CNTRL: variants seen among roughly 807,000 people sequenced by gnomAD.
CNTRL encodes 110 kDa centrosomal protein.
A neutral mutation model predicts 303.7 loss-of-function variants in CNTRL; 233 were observed. That is an observed-to-expected ratio of 0.77 (90% CI 0.69 to 0.86). The LOEUF (loss-of-function observed/expected upper bound fraction) is 0.86. Among genes scored for constraint, CNTRL ranks in the 40% least tolerant of loss-of-function variants. The pLI is 0.00. For missense variants in CNTRL, 2,524 were observed against 2,650.6 expected (o/e 0.95, Z 1.05); for synonymous variants, 900 against 922.2 (o/e 0.98, Z 0.44).
rs772362903 is a variant in CNTRL at position 121,167,518 on chromosome 9, T to C, written c.5685T>C (p.Asp1895=). The C allele has an allele frequency of 4.3e-6, 7 of 1,613,934 alleles. No homozygotes were observed. The highest frequency in any genetic ancestry group is 5.9e-6 in the Non-Finnish European group (7 of 1,179,934). Residue 1895 remains aspartate (D), a synonymous_variant, in exon 37 of 44, where the codon GAT becomes GAC. Coordinates refer to ENST00000373855, the MANE Select transcript of CNTRL (RefSeq NM_007018.6). ...QDLLHTTKHQ[D]VLLSEQTRLQ... ...TGCTTCACACCACCAAGCATCAGGATGTGTTGCTCAGTGAGCAGACCCGAC... is the reference window on the plus strand; with the variant it reads ...TGCTTCACACCACCAAGCATCAGGACGTGTTGCTCAGTGAGCAGACCCGAC...
intron 14 of CNTRL, among the ~76,000 whole-genome samples, chr9:121,135,387 A>C (rs1000426287): frequency 6.6e-6 from 1 of 152,244 alleles, no homozygotes. Flanking sequence ...ACAATTCCTC[A>C]TCTGTAAAAC....
At chr9:121,171,570 C>T (rs772230485) in intron 40 of CNTRL, 22 bp downstream of exon 40, 11 of 1,609,024 alleles carry the variant, frequency 6.8e-6, no homozygotes, top group Non-Finnish European at 9.3e-6. Context: ...GAAAGCCCAG[C>T]TGGCCAGCCT....
chr9:121,100,412 T>A (rs1309191722), intron 7 of CNTRL, among the ~76,000 whole-genome samples: 1 of 152,150 alleles, frequency 6.6e-6, no homozygotes, highest in Non-Finnish European at 1.5e-5. Flanking sequence ...AAGGAAGCAC[T>A]AAACATGGAA....
At position 121,154,729 on chromosome 9, in the gene CNTRL, T is replaced by C. The variant is rs756262307; in HGVS notation, c.4181T>C (p.Ile1394Thr). 5 of 1,593,658 alleles carry C rather than the reference T, an allele frequency of 3.1e-6. No homozygotes were observed. Among genetic ancestry groups the C allele is most frequent in the Non-Finnish European group, 3.4e-6 (4 of 1,162,448 alleles). Reference sequence around the variant, plus strand: ...TATATATTATTTTTTAGGGACTTCATTGATGGAAATGTTGAGAGTCTTATG... The same window carrying C: ...TATATATTATTTTTTAGGGACTTCACTGATGGAAATGTTGAGAGTCTTATG... ...VQKRQQQKDF[I>T]DGNVESLMTE... The change falls in exon 27 of 44, where the codon ATT becomes ACT. Residue 1394 changes from isoleucine (I) to threonine (T), a missense_variant. Coordinates refer to ENST00000373855, the MANE Select transcript of CNTRL (RefSeq NM_007018.6).
chr9:121,141,408 G>A lies in CNTRL; in HGVS notation c.2511G>A (p.Gly837=), dbSNP rs777119996. Residue 837 remains glycine, a synonymous_variant, in exon 18 of 44, where the codon GGG becomes GGA. Transcript: ENST00000373855. ...MNIHSPSDVL[G]KSLADLQKQF... Reference sequence around the variant, plus strand: ...TCCATAGTCCTTCAGATGTCTTAGGGAAAAGTCTTGCTGATTTACAGAAAC... The same window carrying A: ...TCCATAGTCCTTCAGATGTCTTAGGAAAAAGTCTTGCTGATTTACAGAAAC... 2 of 1,613,862 alleles carry A rather than the reference G, an allele frequency of 1.2e-6. No homozygotes were observed. Among genetic ancestry groups the A allele is most frequent in the Non-Finnish European group, 1.7e-6 (2 of 1,179,856 alleles).
chr9:121,078,108 A>T (rs1016583630), intron 1 of CNTRL, among the ~76,000 whole-genome samples: 1 of 152,174 alleles, frequency 6.6e-6, no homozygotes, highest in Admixed American at 6.5e-5. Flanking sequence ...AGTGCAGCTT[A>T]GCAGCATCAA....
chr9:121,110,213 A>G (rs1439270400), intron 8 of CNTRL, among the ~76,000 whole-genome samples: 1 of 152,114 alleles, frequency 6.6e-6, no homozygotes, highest in African/African-American at 2.4e-5. Flanking sequence ...CCTTTTGCAA[A>G]TTATTTAATT....
At chr9:121,169,843 G>A in intron 39 of CNTRL, 27 bp downstream of exon 39, 3 of 1,591,256 alleles carry the variant, frequency 1.9e-6, no homozygotes, top group East Asian at 2.2e-5. Context: ...GTGGCAGTTT[G>A]TGAGGAAATG....
At chr9:121,085,626 A>G (rs2048315144) in intron 2 of CNTRL, among the ~76,000 whole-genome samples, 1 of 152,236 alleles carries the variant, frequency 6.6e-6, no homozygotes, top group Non-Finnish European at 1.5e-5. Context: ...TATTCAGTGT[A>G]ATAAACAGGG....
rs2053172631 is a variant in CNTRL at position 121,168,312 on chromosome 9, TC to T, written c.6064del (p.Gln2022LysfsTer30). Reference sequence around the variant, plus strand: ...GTGTGAGAGCCTGGAGAAGACACTCTCCCAAACTAGTATGTATTCTGGAACT... The same window carrying T: ...GTGTGAGAGCCTGGAGAAGACACTCTCCAAACTAGTATGTATTCTGGAACT... ...RWCESLEKTL[S>X]QTKRQLSERE... On this transcript the variant is annotated frameshift_variant, in exon 38 of 44. Transcript: ENST00000373855. LOFTEE classifies it high-confidence loss of function. The T allele has an allele frequency of 6.2e-7, 1 of 1,613,824 alleles. No homozygotes were observed. Among genetic ancestry groups the T allele is most frequent in the African/African-American group, 1.3e-5 (1 of 75,020 alleles).
At chr9:121,147,651 A>G (rs558211826) in intron 23 of CNTRL, among the ~76,000 whole-genome samples, 2 of 152,300 alleles carry the variant, frequency 1.3e-5, no homozygotes, top group East Asian at 3.9e-4. Context: ...GGAGAAGACT[A>G]TAGGCTGTAT....
intron 4 of CNTRL, among the ~76,000 whole-genome samples, chr9:121,092,466 TA>T (rs529546724): frequency 2.1e-5 from 2 of 97,452 alleles, no homozygotes; most frequent in Non-Finnish European, 4.5e-5. Flanking sequence ...TATATATATA[TA>T]ATATATATCT....
At chr9:121,124,426 G>A (rs1395036012) in intron 13 of CNTRL, among the ~76,000 whole-genome samples, 1 of 152,160 alleles carries the variant, frequency 6.6e-6, no homozygotes, top group African/African-American at 2.4e-5. Flanking sequence ...TCAGTGTCTG[G>A]TTATAAGAAG....
intron 32 of CNTRL, chr9:121,161,133 AGTGT>A (rs139754979): frequency 1.4e-5 from 5 of 345,868 alleles, no homozygotes; most frequent in African/African-American, 1.1e-4. Flanking sequence ...AATGTGTGAG[AGTGT>A]GTGTGTGTGC....
rs146512881 is a variant in CNTRL at position 121,150,301 on chromosome 9, G to A, written c.3781G>A (p.Ala1261Thr). ...PDGSPVPQGMALYAPPPPLPN... is the reference protein window; with the variant it reads ...PDGSPVPQGMTLYAPPPPLPN... ...TGGTTCTCCTGTACCCCAGGGCATG[G>A]CCCTGTATGCACCACCTCCTCCCTT... Residue 1261 changes from alanine (A) to threonine (T), a missense_variant, in exon 25 of 44, where the codon GCC becomes ACC. Physicochemically the swap from Ala to Thr is moderately conservative, Grantham distance 58 (BLOSUM62 0). Coordinates refer to ENST00000373855, the MANE Select transcript of CNTRL (RefSeq NM_007018.6). 1.9e-6 allele frequency: 3 copies of A among 1,614,002 alleles called. No individual in the cohort carries two copies. The highest frequency in any genetic ancestry group is 1.7e-5 in the Admixed American group (1 of 60,006).
At chr9:121,109,587 G>GTT (rs66984517) in intron 8 of CNTRL, among the ~76,000 whole-genome samples, 8 of 151,870 alleles carry the variant, frequency 5.3e-5, no homozygotes, top group Non-Finnish European at 1.2e-4. Flanking sequence ...CTGTGTGTGT[G>GTT]TGTGTGTCTA....
At position 121,166,093 on chromosome 9, in the gene CNTRL, T is replaced by G. The variant is rs767776609; in HGVS notation, c.5582-14T>G. The G allele has an allele frequency of 2.0e-5, 32 of 1,594,246 alleles. No homozygotes were observed. The highest frequency in any genetic ancestry group is 2.7e-5 in the Non-Finnish European group (32 of 1,164,686). ...GTATGTATTTCTTATTTCATGAGAA[T>G]GTCATTTCTTTAGAAAAACGAGAAG... On this transcript the variant is annotated splice_polypyrimidine_tract_variant and intron_variant, in intron 35 of 43. Transcript: ENST00000373855.
At chr9:121,158,677 A>G in intron 30 of CNTRL, 178 bp from the exon 31 acceptor site, 1 of 601,442 alleles carries the variant, frequency 1.7e-6, no homozygotes. Flanking sequence ...GGTTTTAAGT[A>G]TGTGAGCTCA....
At chr9:121,082,146 C>G (rs916768651) in intron 2 of CNTRL, among the ~76,000 whole-genome samples, 1 of 152,212 alleles carries the variant, frequency 6.6e-6, no homozygotes, top group Non-Finnish European at 1.5e-5. Context: ...ACAAATTGGG[C>G]AGCCCTCAGA....
Sources: gnomAD v4.1 joint callset for allele counts (sites outside exome capture counted in the v4.1 genomes callset) on GRCh38, gnomAD v4.1.1 for gene constraint, MANE v1.5 for transcripts, NCBI Gene and HGNC (gene_info 2026-07-23, HGNC 2026-07-21) for gene names.